Variants in KCNIP4 observed in about 807,000 individuals in gnomAD.
KCNIP4 encodes potassium voltage-gated channel interacting protein 4.
Under a neutral mutation model 34.0 loss-of-function variants are expected in KCNIP4, and 12 were observed. The observed-to-expected ratio is 0.35, with a 90% CI of 0.23 to 0.57. KCNIP4 has a LOEUF of 0.57. KCNIP4 is among the 20% of genes least tolerant of loss of function. The pLI, the probability that KCNIP4 is intolerant of heterozygous loss-of-function variation, is 0.83. For synonymous variants in KCNIP4, 124 were observed against 102.2 expected, an observed-to-expected ratio of 1.21 and a Z score of -1.29; for missense variants, 238 against 311.7, an observed-to-expected ratio of 0.76 and a Z score of 1.78.
intron 1 of KCNIP4, among the ~76,000 whole-genome samples, chr4:21,086,989 CTTT>C (rs559696005): frequency 1.6e-5 from 2 of 126,828 alleles, no homozygotes. Context: ...CTCTTTCTTT[CTTT>C]TTTTTTTTTT....
intron 1 of KCNIP4, among the ~76,000 whole-genome samples, chr4:20,953,584 A>G (rs552445708): frequency 4.6e-4 from 70 of 152,224 alleles, no homozygotes; most frequent in Admixed American, 2.8e-3. Flanking sequence ...TGAGAGGCTG[A>G]GGCAGGAGGA....
chr4:21,477,018 A>T (rs541357940), intron 1 of KCNIP4, among the ~76,000 whole-genome samples: 3 of 152,284 alleles, frequency 2.0e-5, no homozygotes, highest in Admixed American at 2.0e-4. Context: ...GTGTCCTAAG[A>T]GACTGCTTGT....
chr4:21,731,792 G>A (rs984623549), intron 1 of KCNIP4, among the ~76,000 whole-genome samples: 3 of 151,994 alleles, frequency 2.0e-5, no homozygotes, highest in African/African-American at 7.2e-5. Flanking sequence ...GTCACCATAT[G>A]CCATCAAGAG....
intron 1 of KCNIP4, among the ~76,000 whole-genome samples, chr4:21,190,299 A>G (rs4697210): frequency 2.0e-5 from 3 of 151,608 alleles, no homozygotes; most frequent in South Asian, 2.1e-4. Context: ...TTGGTTCGTT[A>G]GTATTGGTTA....
intron 1 of KCNIP4, among the ~76,000 whole-genome samples, chr4:21,211,947 C>T (rs924214038): frequency 6.6e-6 from 1 of 151,964 alleles, no homozygotes; most frequent in African/African-American, 2.4e-5. Flanking sequence ...AAGCAAAAGT[C>T]CACTTCAGGG....
chr4:21,560,930 C>G (rs929499971), intron 1 of KCNIP4, among the ~76,000 whole-genome samples: 34 of 151,980 alleles, frequency 2.2e-4, no homozygotes, highest in Non-Finnish European at 1.2e-4. Context: ...TTGTTGATAG[C>G]AAGTAGATTG....
At chr4:21,249,992 G>C (rs961522194) in intron 1 of KCNIP4, among the ~76,000 whole-genome samples, 6 of 152,138 alleles carry the variant, frequency 3.9e-5, no homozygotes, top group African/African-American at 1.4e-4. Context: ...AATAAGAAAG[G>C]GTTCAGAATG....
chr4:21,404,172 A>G (rs1318860866), intron 1 of KCNIP4, among the ~76,000 whole-genome samples: 1 of 151,980 alleles, frequency 6.6e-6, no homozygotes, highest in Non-Finnish European at 1.5e-5. Context: ...TCTCCAAATA[A>G]CTCAGATATC....
intron 1 of KCNIP4, among the ~76,000 whole-genome samples, chr4:21,347,170 C>T (rs1357941241): frequency 6.6e-6 from 1 of 152,136 alleles, no homozygotes; most frequent in Non-Finnish European, 1.5e-5. Flanking sequence ...GAACTTACTG[C>T]CTTGGTAATG....
intron 1 of KCNIP4, among the ~76,000 whole-genome samples, chr4:21,684,217 G>A (rs912474157): frequency 6.6e-6 from 1 of 152,130 alleles, no homozygotes; most frequent in Non-Finnish European, 1.5e-5. Context: ...GAAGCAGCAT[G>A]TACCTGAATT....
intron 1 of KCNIP4, among the ~76,000 whole-genome samples, chr4:21,379,479 TCAA>T (rs1240042689): frequency 6.6e-6 from 1 of 152,192 alleles, no homozygotes; most frequent in Non-Finnish European, 1.5e-5. Context: ...TCTCTTTCAC[TCAA>T]CACTTCCAAC....
intron 1 of KCNIP4, among the ~76,000 whole-genome samples, chr4:21,873,369 A>G (rs1322511595): frequency 6.6e-6 from 1 of 152,214 alleles, no homozygotes; most frequent in Non-Finnish European, 1.5e-5. Flanking sequence ...AGCCATGCCC[A>G]TCAATTACAG....
intron 1 of KCNIP4, among the ~76,000 whole-genome samples, chr4:21,650,836 A>T (rs1747429619): frequency 6.6e-6 from 1 of 152,122 alleles, no homozygotes; most frequent in African/African-American, 2.4e-5. Context: ...TCCTCTGAAA[A>T]GCTCTCGTGG....
chr4:21,112,050 T>TATATATCC (rs1749249571), intron 1 of KCNIP4, among the ~76,000 whole-genome samples: 9 of 151,874 alleles, frequency 5.9e-5, no homozygotes, highest in African/African-American at 2.2e-4. Context: ...TCTATCTATC[T>TATATATCC]ATCTATCTAT....
chr4:20,848,801 T>C (rs1220923213), intron 3 of KCNIP4, among the ~76,000 whole-genome samples: 1 of 151,886 alleles, frequency 6.6e-6, no homozygotes. Flanking sequence ...AATCCAATGT[T>C]AAAAAGAAAA....
intron 1 of KCNIP4, among the ~76,000 whole-genome samples, chr4:21,875,581 A>G (rs1350223612): frequency 6.6e-6 from 1 of 152,144 alleles, no homozygotes; most frequent in Non-Finnish European, 1.5e-5. Context: ...TAAGCACTTA[A>G]TAAGTATTAT....
intron 1 of KCNIP4, among the ~76,000 whole-genome samples, chr4:21,441,434 C>T (rs550968694): frequency 4.6e-5 from 7 of 152,218 alleles, no homozygotes; most frequent in South Asian, 2.1e-4. Flanking sequence ...TGAGCCATCG[C>T]GCCCGGCCAC....
At chr4:21,146,187 ACGAGAT>A (rs2109227424) in intron 1 of KCNIP4, among the ~76,000 whole-genome samples, 1 of 152,266 alleles carries the variant, frequency 6.6e-6, no homozygotes, top group East Asian at 1.9e-4. Context: ...TCACGAGGTC[ACGAGAT>A]CGAGACCATC....
intron 1 of KCNIP4, among the ~76,000 whole-genome samples, chr4:21,435,965 A>G (rs1412258149): frequency 6.6e-6 from 1 of 152,204 alleles, no homozygotes; most frequent in African/African-American, 2.4e-5. Flanking sequence ...GACACAATCC[A>G]GGCTCAAGCA....
Sources: gnomAD v4.1 joint callset for allele counts (sites outside exome capture counted in the v4.1 genomes callset) on GRCh38, gnomAD v4.1.1 for gene constraint, MANE v1.5 for transcripts, NCBI Gene and HGNC (gene_info 2026-07-23, HGNC 2026-07-21) for gene names.